TRHDE: variants seen among roughly 807,000 people sequenced by gnomAD.
The protein encoded by TRHDE is thyrotropin-releasing hormone-degrading ectoenzyme.
In TRHDE, 72 loss-of-function variants were observed where a neutral mutation model predicts 125.7. The ratio of observed to expected loss-of-function variants is 0.57; its 90% CI spans 0.47 to 0.70. The LOEUF (loss-of-function observed/expected upper bound fraction) is 0.70, where lower values mean the gene tolerates loss of function less well. Ranked by LOEUF, TRHDE falls within the 30% of genes least tolerant of loss-of-function variation. The pLI is 0.00. For synonymous variants in TRHDE, 509 were observed against 509.1 expected, an observed-to-expected ratio of 1.00 and a Z score of 0.00; for missense variants, 1,110 against 1,327.1, an observed-to-expected ratio of 0.84 and a Z score of 2.54.
chr12:72,475,010 T>C (rs1266958685), intron 5 of TRHDE, among the ~76,000 whole-genome samples: 1 of 152,196 alleles, frequency 6.6e-6, no homozygotes, highest in East Asian at 1.9e-4. Context: ...ATTTGATTTA[T>C]GTGCCTAGGC....
chr12:72,523,572 T>C (rs1325457723), intron 6 of TRHDE, among the ~76,000 whole-genome samples: 1 of 152,230 alleles, frequency 6.6e-6, no homozygotes, highest in East Asian at 1.9e-4. Context: ...ATGTAATTTG[T>C]GGAATGCCAG....
intron 7 of TRHDE, among the ~76,000 whole-genome samples, chr12:72,552,076 T>A (rs1435770211): frequency 6.6e-6 from 1 of 152,166 alleles, no homozygotes; most frequent in Non-Finnish European, 1.5e-5. Flanking sequence ...AACCATGCAT[T>A]GCCCAATAGT....
chr12:72,400,508 G>GCATGAAAGC (rs1872996924), intron 3 of TRHDE, among the ~76,000 whole-genome samples: 1 of 152,168 alleles, frequency 6.6e-6, no homozygotes, highest in East Asian at 1.9e-4. Flanking sequence ...GTTATGCACT[G>GCATGAAAGC]AGGGAGCTTT....
At chr12:72,092,084 A>G (rs1566208125) in intron 1 of TRHDE, among the ~76,000 whole-genome samples, 1 of 152,326 alleles carries the variant, frequency 6.6e-6, no homozygotes, top group East Asian at 1.9e-4. Context: ...TGATGGTCTC[A>G]ACTAGCAGCA....
chr12:72,595,432 G>C (rs1425069805), intron 12 of TRHDE, among the ~76,000 whole-genome samples: 1 of 152,100 alleles, frequency 6.6e-6, no homozygotes, highest in Non-Finnish European at 1.5e-5. Context: ...AAATTGTCAA[G>C]TTGTCATTAA....
chr12:72,356,369 A>G (rs1870821052), intron 2 of TRHDE, among the ~76,000 whole-genome samples: 1 of 151,342 alleles, frequency 6.6e-6, no homozygotes, highest in Admixed American at 6.6e-5. Flanking sequence ...ACAACAGACA[A>G]CGGGGTCTAC....
chr12:72,305,970 C>T, intron 2 of TRHDE, among the ~76,000 whole-genome samples: 1 of 152,282 alleles, frequency 6.6e-6, no homozygotes, highest in South Asian at 2.1e-4. Flanking sequence ...ACTTGACACT[C>T]CAGTGGTACA....
At chr12:72,144,528 G>T (rs1876185181) in intron 2 of TRHDE, among the ~76,000 whole-genome samples, 1 of 152,190 alleles carries the variant, frequency 6.6e-6, no homozygotes, top group South Asian at 2.1e-4. Context: ...TTAAACTTCT[G>T]GGCAGGGGAG....
chr12:72,568,730 G>C (rs191545063), intron 10 of TRHDE, 74 bp downstream of exon 10: 2 of 1,020,680 alleles, frequency 2.0e-6, no homozygotes, highest in Non-Finnish European at 3.0e-6. Context: ...TCTGGTTTCA[G>C]CTGTTATAAA....
chr12:72,272,143 C>CA (rs1266510546), upstream of TRHDE: 1 of 457,464 alleles, frequency 2.2e-6, no homozygotes, highest in Non-Finnish European at 4.4e-6. This position sits in a 1 kb window ranked among gnomAD's most constrained non-coding sequence, Gnocchi z 6.7. Flanking sequence ...ACATTCCACC[C>CA]AGAGGACCGA....
At chr12:72,623,748 T>C (rs775619471) in intron 15 of TRHDE, among the ~76,000 whole-genome samples, 2 of 152,034 alleles carry the variant, frequency 1.3e-5, no homozygotes, top group Non-Finnish European at 2.9e-5. Context: ...GTGGTAGGTA[T>C]CTATCTATGA....
intron 2 of TRHDE, among the ~76,000 whole-genome samples, chr12:72,362,499 C>G: frequency 6.6e-6 from 1 of 152,050 alleles, no homozygotes; most frequent in African/African-American, 2.4e-5. Context: ...AAATTTTTCT[C>G]CCATTTTGTA....
At chr12:72,181,124 T>C (rs1043260369) in intron 2 of TRHDE, among the ~76,000 whole-genome samples, 7 of 152,164 alleles carry the variant, frequency 4.6e-5, no homozygotes, top group Non-Finnish European at 7.4e-5. Context: ...TTTTGTTATA[T>C]AGAGCTACAT....
chr12:72,653,903 A>T (rs1874606004), intron 17 of TRHDE, among the ~76,000 whole-genome samples: 1 of 152,074 alleles, frequency 6.6e-6, no homozygotes, highest in Non-Finnish European at 1.5e-5. Context: ...AAACTTTATT[A>T]TTTTTAAGCA....
chr12:72,261,281 T>C (rs1878945181), intron 2 of TRHDE, among the ~76,000 whole-genome samples: 1 of 152,148 alleles, frequency 6.6e-6, no homozygotes. Flanking sequence ...AGCACTAACT[T>C]TGGTTTAGTG....
intron 3 of TRHDE, among the ~76,000 whole-genome samples, chr12:72,378,434 A>G (rs929894712): frequency 4.6e-5 from 7 of 152,138 alleles, no homozygotes; most frequent in Non-Finnish European, 1.0e-4. Flanking sequence ...TTAATCAGTA[A>G]AACTACCATG....
intron 1 of TRHDE, among the ~76,000 whole-genome samples, chr12:72,100,439 C>A (rs1219379879): frequency 6.6e-6 from 1 of 152,168 alleles, no homozygotes. Flanking sequence ...GAAAAGCCAA[C>A]AACTTGTCTA....
At chr12:72,392,014 C>A (rs1449535741) in intron 3 of TRHDE, among the ~76,000 whole-genome samples, 1 of 152,114 alleles carries the variant, frequency 6.6e-6, no homozygotes, top group Admixed American at 6.6e-5. Context: ...TATTGCGTTT[C>A]TAAGAGGAAG....
chr12:72,594,983 A>G (rs899407949), intron 12 of TRHDE, among the ~76,000 whole-genome samples: 1 of 151,694 alleles, frequency 6.6e-6, no homozygotes, highest in Non-Finnish European at 1.5e-5. Context: ...TGAAATTGGA[A>G]ATCATCATTC....
Sources: gnomAD v4.1 joint callset for allele counts (sites outside exome capture counted in the v4.1 genomes callset) on GRCh38, gnomAD v4.1.1 for gene constraint, Gnocchi (gnomAD v3.1) non-coding constraint, MANE v1.5 for transcripts, NCBI Gene and HGNC (gene_info 2026-07-23, HGNC 2026-07-21) for gene names.